Variants in SPIRE1 observed in about 807,000 individuals in gnomAD.
The protein encoded by SPIRE1 is spire type actin nucleation factor 1, also known as protein spire homolog 1.
In SPIRE1, 40 loss-of-function variants were observed where a neutral mutation model predicts 94.1. The observed-to-expected ratio is 0.43, with a 90% CI of 0.33 to 0.55. The LOEUF is 0.55. Ranked by LOEUF, SPIRE1 falls within the 20% of genes least tolerant of loss-of-function variation. The pLI is 0.06. For missense variants in SPIRE1, 838 were observed against 975.2 expected, an observed-to-expected ratio of 0.86 and a Z score of 1.87; for synonymous variants, 376 against 371.7, an observed-to-expected ratio of 1.01 and a Z score of -0.13.
Position 12,447,497 on chromosome 18 carries a change from A to G in SPIRE1, c.*2141T>C, listed in dbSNP as rs1482211409. ...AAAAAATGATAGTAATTTGATTTCT[A>G]CAACTTTAACTGTGCCATGTGCCCT... On this transcript the variant is annotated 3_prime_UTR_variant, in exon 17 of 17. Coordinates refer to ENST00000409402, the MANE Select transcript of SPIRE1 (RefSeq NM_001128626.2). 1 of 152,240 alleles carries G rather than the reference A, an allele frequency of 6.6e-6. No homozygotes were observed. The highest frequency in any genetic ancestry group is 1.5e-5 in the Non-Finnish European group (1 of 68,050). The allele number at this position is 152,240 out of a possible 1,614,324, so 9.4% of individuals were successfully genotyped here.
At chr18:12,458,789 A>G (rs575170325) in intron 12 of SPIRE1, among the ~76,000 whole-genome samples, 43 of 152,342 alleles carry the variant, frequency 2.8e-4, no homozygotes, top group African/African-American at 9.6e-4. Flanking sequence ...GCACCTGACC[A>G]CGTGCTGCCC....
At chr18:12,514,506 A>G (rs1260649913) in intron 4 of SPIRE1, among the ~76,000 whole-genome samples, 1 of 151,980 alleles carries the variant, frequency 6.6e-6, no homozygotes, top group Non-Finnish European at 1.5e-5. Flanking sequence ...TCTCCAGAAT[A>G]GCCTTGCATA....
Position 12,514,453 on chromosome 18 carries a change from AT to A in SPIRE1, c.730-1923del, listed in dbSNP as rs370295067. Among the ~76,000 whole-genome samples, 405 of 146,758 alleles carry A rather than the reference AT, an allele frequency of 2.8e-3. 1 individual carries two copies. The highest frequency in any genetic ancestry group is 6.4e-3 in the African/African-American group (260 of 40,328). Reference sequence around the variant, plus strand: ...TGGATTCAGACTTTAGGAAAGAAGAATTTTTTTTTTTTTGTATTTTGTTCAC... The same window carrying A: ...TGGATTCAGACTTTAGGAAAGAAGAATTTTTTTTTTTTGTATTTTGTTCAC... On this transcript the variant is annotated intron_variant, in intron 4 of 16. Coordinates refer to ENST00000409402, the MANE Select transcript of SPIRE1 (RefSeq NM_001128626.2).
At position 12,461,409 on chromosome 18, in the gene SPIRE1, CATGT is replaced by C. The variant is rs553285414; in HGVS notation, c.1638+1938_1638+1941del. ...CCACAAGTTCCCTCTTACCTATACACATGTATGTGTGTGTGTGTGTATGTATGTA... is the reference window on the plus strand; with the variant it reads ...CCACAAGTTCCCTCTTACCTATACACATGTGTGTGTGTGTGTATGTATGTA... On this transcript the variant is annotated intron_variant, in intron 12 of 16. Coordinates refer to ENST00000409402, the MANE Select transcript of SPIRE1 (RefSeq NM_001128626.2). 1.2e-3 allele frequency among the ~76,000 whole-genome samples: 134 copies of C among 111,772 alleles called. 1 individual carries two copies. The highest frequency in any genetic ancestry group is 4.1e-3 in the African/African-American group (113 of 27,416). 73.3% of individuals were successfully genotyped at this position (111,772 alleles called of 152,430 possible).
chr18:12,591,760 G>A (rs140087540), intron 2 of SPIRE1, among the ~76,000 whole-genome samples: 148 of 152,082 alleles, frequency 9.7e-4, no homozygotes, highest in Non-Finnish European at 1.2e-3. Flanking sequence ...GGCAGATCAC[G>A]AGGTCAGGAC....
chr18:12,644,504 AAAG>A (rs1263033522), intron 1 of SPIRE1, among the ~76,000 whole-genome samples: 9 of 152,214 alleles, frequency 5.9e-5, no homozygotes, highest in Admixed American at 5.2e-4. Context: ...GAAAGTGGCA[AAAG>A]AAGGAAAAAA....
At chr18:12,536,535 G>A (rs1007967644) in intron 3 of SPIRE1, among the ~76,000 whole-genome samples, 4 of 151,930 alleles carry the variant, frequency 2.6e-5, no homozygotes, top group African/African-American at 9.7e-5. Context: ...AGAATGTCAG[G>A]AAAACATATG....
intron 2 of SPIRE1, among the ~76,000 whole-genome samples, chr18:12,615,571 A>G (rs1269459650): frequency 1.3e-5 from 2 of 149,076 alleles, no homozygotes; most frequent in Non-Finnish European, 3.0e-5. Context: ...AAATTTTAAG[A>G]TAACATTTTT....
At chr18:12,628,708 GTCTC>G (rs1020950043) in intron 2 of SPIRE1, among the ~76,000 whole-genome samples, 2 of 152,154 alleles carry the variant, frequency 1.3e-5, no homozygotes, top group African/African-American at 4.8e-5. Flanking sequence ...ATTTGTTTGT[GTCTC>G]TCTCTTATTT....
chr18:12,452,983 A>T, intron 14 of SPIRE1, 85 bp downstream of exon 14: 1 of 847,836 alleles, frequency 1.2e-6, no homozygotes, highest in Non-Finnish European at 1.8e-6. Flanking sequence ...ATTCCTGTTT[A>T]GAAAGATGGT....
At chr18:12,457,963 G>C (rs1419946091) in intron 12 of SPIRE1, among the ~76,000 whole-genome samples, 3 of 150,960 alleles carry the variant, frequency 2.0e-5, no homozygotes, top group African/African-American at 4.9e-5. Flanking sequence ...TCCTGCCTCA[G>C]CCTCCTGAGT....
chr18:12,646,261 T>C (rs1250729468), intron 1 of SPIRE1, among the ~76,000 whole-genome samples: 2 of 152,164 alleles, frequency 1.3e-5, no homozygotes, highest in Non-Finnish European at 2.9e-5. Flanking sequence ...AGATCTCCTC[T>C]GTAACACTCG....
At chr18:12,547,498 C>T (rs1451279998) in intron 2 of SPIRE1, among the ~76,000 whole-genome samples, 2 of 152,212 alleles carry the variant, frequency 1.3e-5, no homozygotes, top group Non-Finnish European at 2.9e-5. Context: ...CTGTTGCATA[C>T]CACCTCGACA....
intron 2 of SPIRE1, among the ~76,000 whole-genome samples, chr18:12,577,792 A>G (rs2036149962): frequency 6.6e-6 from 1 of 152,212 alleles, no homozygotes; most frequent in Non-Finnish European, 1.5e-5. Context: ...AAAAATATCT[A>G]TTTTACATAT....
At chr18:12,526,552 C>T (rs1023762583) in intron 4 of SPIRE1, among the ~76,000 whole-genome samples, 34 of 152,054 alleles carry the variant, frequency 2.2e-4, no homozygotes, top group African/African-American at 7.2e-4. Context: ...GTGAGAAAGG[C>T]AGTAAGAGTA....
At position 12,485,989 on chromosome 18, in the gene SPIRE1, G is replaced by A; in HGVS notation, c.1201C>T (p.Leu401Phe). Residue 401 changes from leucine (L) to phenylalanine (F), a missense_variant, in exon 9 of 17, where the codon CTT becomes TTT. By Grantham distance (22) the Leu-to-Phe change is conservative. Coordinates refer to ENST00000409402, the MANE Select transcript of SPIRE1 (RefSeq NM_001128626.2). ...AAGTCAAAACTGTAAGACATGCTAA[G>A]TGGCCGCATTGCTGAAAAAAAGAAA... is the stretch of plus-strand genomic sequence containing the variant. ...IRRSRLAMRP[L>F]SMSYSFDLSD... 6.6e-7 allele frequency: 1 copy of A among 1,521,708 alleles called. No individual in the cohort carries two copies. Among genetic ancestry groups the A allele is most frequent in the African/African-American group, 1.4e-5 (1 of 70,534 alleles). 94.3% of individuals were successfully genotyped at this position (1,521,708 alleles called of 1,614,324 possible). A position where few individuals can be genotyped will look rare whatever the true frequency, so the allele number is the denominator to read the frequency against.
intron 2 of SPIRE1, among the ~76,000 whole-genome samples, chr18:12,587,914 C>T (rs2036432402): frequency 6.6e-6 from 1 of 152,078 alleles, no homozygotes. Context: ...TTCATGATCA[C>T]AATTAATTTT....
chr18:12,506,665 A>G, intron 5 of SPIRE1, 24 bp from the exon 6 acceptor site: 1 of 1,609,410 alleles, frequency 6.2e-7, no homozygotes, highest in East Asian at 2.2e-5. Flanking sequence ...GGATAGAGAG[A>G]CATCAATGAA....
chr18:12,600,102 CAAAAA>C (rs58628339), intron 2 of SPIRE1, among the ~76,000 whole-genome samples: 5 of 118,444 alleles, frequency 4.2e-5, no homozygotes, highest in African/African-American at 1.6e-4. Context: ...CAATGGCCAG[CAAAAA>C]AAAAAAAAAA....
Sources: allele counts gnomAD v4.1 joint callset (sites outside exome capture counted in the v4.1 genomes callset), GRCh38; gene constraint gnomAD v4.1.1; transcripts MANE v1.5; gene names NCBI Gene and HGNC (gene_info 2026-07-23, HGNC 2026-07-21).